CCDC18: variants seen among roughly 807,000 people sequenced by gnomAD.
The protein encoded by CCDC18 is coiled-coil domain-containing protein 18.
In CCDC18, 157 loss-of-function variants were observed where a neutral mutation model predicts 196.0. That is an observed-to-expected ratio of 0.80 (90% CI 0.70 to 0.91). CCDC18 has a LOEUF of 0.91. Among genes scored for constraint, CCDC18 ranks in the 40% least tolerant of loss-of-function variants. The pLI is 0.00. For synonymous variants in CCDC18, 482 were observed against 529.2 expected, an observed-to-expected ratio of 0.91 and a Z score of 1.22; for missense variants, 1,465 against 1,611.6, an observed-to-expected ratio of 0.91 and a Z score of 1.56.
At chr1:93,190,258 G>A (rs1263661786) in intron 4 of CCDC18, among the ~76,000 whole-genome samples, 2 of 152,198 alleles carry the variant, frequency 1.3e-5, no homozygotes, top group Admixed American at 6.5e-5. Flanking sequence ...GGGAATCTGA[G>A]GTGGGCAGAT....
Position 93,278,623 on chromosome 1 carries a change from A to G in CCDC18, c.*146A>G. Reference sequence around the variant, plus strand: ...CAATATTTTAAAAGAAAGCCCTTCTAAAACTTAATTATATTTTTAAAGAAA... The same window carrying G: ...CAATATTTTAAAAGAAAGCCCTTCTGAAACTTAATTATATTTTTAAAGAAA... On this transcript the variant is annotated 3_prime_UTR_variant, in exon 29 of 29. Transcript: ENST00000690025. 8.1e-6 allele frequency: 3 copies of G among 369,066 alleles called. No homozygotes were observed. Among genetic ancestry groups the G allele is most frequent in the Non-Finnish European group, 1.4e-5 (3 of 206,936 alleles). The allele number at this position is 369,066 out of a possible 1,614,324, so 22.9% of individuals were successfully genotyped here.
intron 21 of CCDC18, among the ~76,000 whole-genome samples, chr1:93,242,242 G>A (rs1660895957): frequency 6.6e-6 from 1 of 152,196 alleles, no homozygotes; most frequent in African/African-American, 2.4e-5. Context: ...ACCAAAGAAA[G>A]AAGTTTAATG....
chr1:93,230,245 T>G (rs1659027554), intron 17 of CCDC18, among the ~76,000 whole-genome samples: 1 of 151,986 alleles, frequency 6.6e-6, no homozygotes, highest in Admixed American at 6.6e-5. Flanking sequence ...CTCATGCCTG[T>G]AATCCCAACA....
intron 6 of CCDC18, 137 bp downstream of exon 6, chr1:93,193,881 C>G: frequency 5.1e-6 from 3 of 583,422 alleles, no homozygotes; most frequent in South Asian, 6.2e-5. Flanking sequence ...TCTTTTTTAT[C>G]TATTAATTTT....
At chr1:93,243,108 G>A (rs1025579707) in intron 21 of CCDC18, among the ~76,000 whole-genome samples, 1 of 152,188 alleles carries the variant, frequency 6.6e-6, no homozygotes, top group East Asian at 1.9e-4. Context: ...CTGTATGGGG[G>A]TGCCCACCCC....
intron 24 of CCDC18, among the ~76,000 whole-genome samples, chr1:93,256,124 T>G (rs192575381): frequency 6.6e-6 from 1 of 152,198 alleles, no homozygotes; most frequent in Admixed American, 6.5e-5. Context: ...GTCCCAATTA[T>G]GGTATTTTTG....
In CCDC18 at chr1:93,212,275, G is replaced by A; in HGVS notation, c.1495+14G>A. 6 of 1,448,702 alleles carry A rather than the reference G, an allele frequency of 4.1e-6. No homozygotes were observed. The highest frequency in any genetic ancestry group is 5.5e-6 in the Non-Finnish European group (6 of 1,082,162). 89.7% of individuals were successfully genotyped at this position (1,448,702 alleles called of 1,614,324 possible). A position where few individuals can be genotyped will look rare whatever the true frequency, so the allele number is the denominator to read the frequency against. ...GTCATCAAGTAGGTAAGTATATTGAGTTATTTTAATAAATTATATTCAGAG... is the reference window on the plus strand; with the variant it reads ...GTCATCAAGTAGGTAAGTATATTGAATTATTTTAATAAATTATATTCAGAG... On this transcript the variant is annotated intron_variant, in intron 11 of 28. Coordinates refer to ENST00000690025, the MANE Select transcript of CCDC18 (RefSeq NM_001378204.1).
intron 4 of CCDC18, among the ~76,000 whole-genome samples, chr1:93,190,473 G>A (rs1651561921): frequency 6.6e-6 from 1 of 152,104 alleles, no homozygotes; most frequent in African/African-American, 2.4e-5. Flanking sequence ...GTGACAGAGT[G>A]AGACTCCATC....
At chr1:93,199,459 C>A (rs1653427630) in intron 6 of CCDC18, among the ~76,000 whole-genome samples, 1 of 152,226 alleles carries the variant, frequency 6.6e-6, no homozygotes, top group African/African-American at 2.4e-5. Flanking sequence ...ACACCAGGAA[C>A]CACAGAGCCC....
At position 93,207,415 on chromosome 1, in the gene CCDC18, A is replaced by G. The variant is rs774469479; in HGVS notation, c.1209+17A>G. On this transcript the variant is annotated intron_variant, in intron 9 of 28. Coordinates refer to ENST00000690025, the MANE Select transcript of CCDC18 (RefSeq NM_001378204.1). ...CAGTTGCCAGTAAGTATGTGTGATT[A>G]CGTAATGGAAAAGAAGAATTTTACT... 1.3e-5 allele frequency: 20 copies of G among 1,517,730 alleles called. No homozygotes were observed. The highest frequency in any genetic ancestry group is 1.8e-5 in the Non-Finnish European group (20 of 1,129,332). 94.0% of individuals were successfully genotyped at this position (1,517,730 alleles called of 1,614,324 possible). A position where few individuals can be genotyped will look rare whatever the true frequency, so the allele number is the denominator to read the frequency against.
chr1:93,274,950 A>G (rs1481192676), intron 28 of CCDC18, among the ~76,000 whole-genome samples: 1 of 152,190 alleles, frequency 6.6e-6, no homozygotes, highest in African/African-American at 2.4e-5. Flanking sequence ...TGAGTTTTAA[A>G]TGCATTGACC....
At chr1:93,264,017 C>T (rs1377668261) in intron 26 of CCDC18, among the ~76,000 whole-genome samples, 3 of 152,096 alleles carry the variant, frequency 2.0e-5, no homozygotes, top group Non-Finnish European at 4.4e-5. Context: ...AATTGACTCA[C>T]AGTTCCACAT....
At chr1:93,190,304 A>G (rs1354338224) in intron 4 of CCDC18, among the ~76,000 whole-genome samples, 1 of 152,226 alleles carries the variant, frequency 6.6e-6, no homozygotes, top group Non-Finnish European at 1.5e-5. Flanking sequence ...CCTGGCCAAC[A>G]TGGTGAAACC....
At chr1:93,224,572 A>G (rs1029892079) in intron 16 of CCDC18, among the ~76,000 whole-genome samples, 8 of 152,226 alleles carry the variant, frequency 5.3e-5, no homozygotes, top group Non-Finnish European at 5.9e-5. Context: ...ATCAAGTGTG[A>G]TGACACAAAA....
Position 93,183,960 on chromosome 1 carries a change from T to G in CCDC18, c.135-18T>G. The stretch of plus-strand genomic sequence containing the variant: ...AAACTATCCAAGAACTGAAATATGT[T>G]TTTTCTTTTTTCTCTAGTGTTAGTC... On this transcript the variant is annotated intron_variant, in intron 2 of 28. Coordinates refer to ENST00000690025, the MANE Select transcript of CCDC18 (RefSeq NM_001378204.1). 1 of 1,451,394 alleles carries G rather than the reference T, an allele frequency of 6.9e-7. No homozygotes were observed. The highest frequency in any genetic ancestry group is 9.2e-7 in the Non-Finnish European group (1 of 1,086,422). 89.9% of individuals were successfully genotyped at this position (1,451,394 alleles called of 1,614,324 possible).
intron 28 of CCDC18, among the ~76,000 whole-genome samples, chr1:93,277,555 C>G (rs1172569252): frequency 3.6e-5 from 5 of 139,114 alleles, no homozygotes; most frequent in Admixed American, 3.5e-4. Flanking sequence ...ACATCTTGCA[C>G]CTCCCTCAAT....
intron 25 of CCDC18, among the ~76,000 whole-genome samples, chr1:93,257,874 A>G (rs1183008322): frequency 1.3e-5 from 2 of 151,938 alleles, no homozygotes; most frequent in Non-Finnish European, 2.9e-5. Context: ...ATATATTGAT[A>G]TGTTTTTCCT....
chr1:93,182,050 A>G (rs1200913560), intron 1 of CCDC18, among the ~76,000 whole-genome samples: 2 of 152,216 alleles, frequency 1.3e-5, no homozygotes, highest in African/African-American at 2.4e-5. Context: ...TCCTACAGAG[A>G]GCTAGAGATG....
rs765205290 is a variant in CCDC18 at position 93,186,353 on chromosome 1, A to G, written c.312A>G (p.Ser104=). 19 of 1,609,950 alleles carry G rather than the reference A, an allele frequency of 1.2e-5. No homozygotes were observed. The East Asian group carries it at 2.7e-4, about 23-fold the overall frequency. The change falls in exon 4 of 29, where the codon TCA becomes TCG. Residue 104 remains serine (S), a synonymous_variant. Coordinates refer to ENST00000690025, the MANE Select transcript of CCDC18 (RefSeq NM_001378204.1). Reference sequence around the variant, plus strand: ...CTTTTTCATTCTTTCAGATGTTTTCATCTTCTGCCCCTGTGGATCAGGAGA... The same window carrying G: ...CTTTTTCATTCTTTCAGATGTTTTCGTCTTCTGCCCCTGTGGATCAGGAGA... ...FQKKPRDKMF[S]SSAPVDQEIK...
Sources: gnomAD v4.1 joint callset for allele counts (sites outside exome capture counted in the v4.1 genomes callset) on GRCh38, gnomAD v4.1.1 for gene constraint, MANE v1.5 for transcripts, NCBI Gene and HGNC (gene_info 2026-07-23, HGNC 2026-07-21) for gene names.